Variants in NAV3 observed in about 807,000 individuals in gnomAD.
NAV3 encodes neuron navigator 3.
In NAV3, 87 loss-of-function variants were observed where a neutral mutation model predicts 244.7. That is an observed-to-expected ratio of 0.36 (90% confidence interval 0.30 to 0.42). The LOEUF (loss-of-function observed/expected upper bound fraction) is 0.42, where lower values mean the gene tolerates loss of function less well. Among genes scored for constraint, NAV3 ranks in the 20% least tolerant of loss-of-function variants. NAV3 has a pLI of 1.00. For synonymous variants in NAV3, 1,126 were observed against 1,042.2 expected (o/e 1.08, Z -1.55); for missense variants, 2,663 against 2,893.3 (o/e 0.92, Z 1.83).
Position 77,959,458 on chromosome 12 carries a change from C to A in NAV3, c.415-6771C>A, listed in dbSNP as rs1891673059. Among the ~76,000 whole-genome samples, 3 of 152,146 alleles carry A rather than the reference C, an allele frequency of 2.0e-5. No individual in the cohort carries two copies. The South Asian group carries it at 6.2e-4, about 32-fold the overall frequency. ...TTTATACCATTATAGCATTGTTACC[C>A]TCCATTAATATTAAAAACTGTTATA... On this transcript the variant is annotated intron_variant, in intron 3 of 39. Transcript: ENST00000397909.
At chr12:77,600,557 G>A (rs1870380165) in intron 2 of NAV3, among the ~76,000 whole-genome samples, 1 of 151,948 alleles carries the variant, frequency 6.6e-6, no homozygotes, top group South Asian at 2.1e-4. Flanking sequence ...ATCAGACCAG[G>A]AGAGAAGAGA....
chr12:77,790,086 A>C (rs1479540652), intron 2 of NAV3, among the ~76,000 whole-genome samples: 1 of 152,164 alleles, frequency 6.6e-6, no homozygotes, highest in Admixed American at 6.5e-5. Context: ...TCTTACCACC[A>C]CAGCAGCTTA....
chr12:77,958,328 G>A (rs1038309589), intron 3 of NAV3, among the ~76,000 whole-genome samples: 8 of 152,076 alleles, frequency 5.3e-5, no homozygotes, highest in Non-Finnish European at 7.3e-5. Context: ...GATCTCTGTA[G>A]CACAGAGCAC....
At chr12:78,022,173 A>G (rs1425240800) in intron 9 of NAV3, among the ~76,000 whole-genome samples, 1 of 152,162 alleles carries the variant, frequency 6.6e-6, no homozygotes, top group East Asian at 1.9e-4. Context: ...ATGATTGGCC[A>G]TGTATATTCT....
intron 12 of NAV3, among the ~76,000 whole-genome samples, chr12:78,080,604 G>A (rs902917139): frequency 6.6e-6 from 1 of 151,998 alleles, no homozygotes; most frequent in Non-Finnish European, 1.5e-5. Context: ...TCCCATTATA[G>A]TTTAATTTCT....
intron 1 of NAV3, among the ~76,000 whole-genome samples, chr12:77,871,285 T>C (rs912810860): frequency 1.3e-5 from 2 of 152,292 alleles, no homozygotes; most frequent in African/African-American, 4.8e-5. Flanking sequence ...AAATTTTCTA[T>C]TTTTAAAATT....
intron 2 of NAV3, among the ~76,000 whole-genome samples, chr12:77,630,700 C>T (rs1871856034): frequency 6.6e-6 from 1 of 152,108 alleles, no homozygotes; most frequent in African/African-American, 2.4e-5. Context: ...ATATTTAAGG[C>T]TTTAGGCTCC....
intron 1 of NAV3, among the ~76,000 whole-genome samples, chr12:77,842,318 T>C (rs996970298): frequency 6.6e-6 from 1 of 152,068 alleles, no homozygotes; most frequent in African/African-American, 2.4e-5. Context: ...ATTTTTAATT[T>C]CTTCTGTTCC....
chr12:78,094,191 A>G (rs945322596), intron 12 of NAV3, among the ~76,000 whole-genome samples: 2 of 152,192 alleles, frequency 1.3e-5, no homozygotes, highest in Admixed American at 6.5e-5. Context: ...AATACAATCC[A>G]AGGATTAGAT....
intron 24 of NAV3, among the ~76,000 whole-genome samples, chr12:78,171,923 A>T (rs532520394): frequency 6.6e-6 from 1 of 151,648 alleles, no homozygotes; most frequent in Non-Finnish European, 1.5e-5. Flanking sequence ...AAATTAATGC[A>T]TCACATTCAT....
Position 77,705,681 on chromosome 12 carries a change from C to T in NAV3, c.72+133415C>T, listed in dbSNP as rs79464583. Reference sequence around the variant, plus strand: ...ATTTCGCCTGGATTGTTTGTTCCCCCGGGGGTCAAAGATGAATTCAGCCCC... The same window carrying T: ...ATTTCGCCTGGATTGTTTGTTCCCCTGGGGGTCAAAGATGAATTCAGCCCC... On this transcript the variant is annotated intron_variant, in intron 2 of 8. Transcript: ENST00000550042. Among the ~76,000 whole-genome samples the T allele has an allele frequency of 3.6e-4, 55 of 151,374 alleles. 1 individual carries two copies. In the East Asian group the frequency reaches 4.8e-3, roughly 13 times the overall value.
At chr12:77,777,180 A>G (rs1397591111) in intron 2 of NAV3, among the ~76,000 whole-genome samples, 2 of 152,212 alleles carry the variant, frequency 1.3e-5, no homozygotes, top group Admixed American at 1.3e-4. Flanking sequence ...TCCTACACAT[A>G]CATACCTTTG....
chr12:77,961,198 T>G (rs1301034520), intron 3 of NAV3, among the ~76,000 whole-genome samples: 1 of 134,512 alleles, frequency 7.4e-6, no homozygotes, highest in Non-Finnish European at 1.5e-5. Context: ...ATATATAATA[T>G]ATATTTTAAT....
chr12:77,575,545 A>G (rs747814602), intron 2 of NAV3, among the ~76,000 whole-genome samples: 1 of 152,152 alleles, frequency 6.6e-6, no homozygotes, highest in Non-Finnish European at 1.5e-5. Context: ...TTGTTTGCAC[A>G]ATCAAATCCA....
intron 23 of NAV3, among the ~76,000 whole-genome samples, chr12:78,161,536 A>G (rs532340562): frequency 2.0e-5 from 3 of 152,270 alleles, no homozygotes; most frequent in East Asian, 3.9e-4. Flanking sequence ...ATGTAGAGGT[A>G]TGTTAATGTA....
chr12:77,994,209 T>C (rs990851666), intron 5 of NAV3, among the ~76,000 whole-genome samples: 2 of 152,260 alleles, frequency 1.3e-5, no homozygotes, highest in East Asian at 1.9e-4. Context: ...TTTCTGTTTT[T>C]ATATAGATCT....
intron 23 of NAV3, among the ~76,000 whole-genome samples, chr12:78,160,820 T>C (rs1957511811): frequency 6.6e-6 from 1 of 151,982 alleles, no homozygotes; most frequent in Non-Finnish European, 1.5e-5. Flanking sequence ...ACAAACTCCT[T>C]TTGAAACATA....
At chr12:77,789,481 CA>C in intron 2 of NAV3, among the ~76,000 whole-genome samples, 1 of 147,672 alleles carries the variant, frequency 6.8e-6, no homozygotes, top group East Asian at 2.0e-4. Flanking sequence ...GTATAAAATA[CA>C]CTAACACTAA....
intron 12 of NAV3, among the ~76,000 whole-genome samples, chr12:78,090,575 T>C (rs758302389): frequency 3.3e-4 from 50 of 152,170 alleles, no homozygotes; most frequent in Non-Finnish European, 6.2e-4. Flanking sequence ...CAATTCTAAA[T>C]AGAACCTTAT....
Sources: gnomAD v4.1 joint callset for allele counts (sites outside exome capture counted in the v4.1 genomes callset) on GRCh38, gnomAD v4.1.1 for gene constraint, MANE v1.5 for transcripts, NCBI Gene and HGNC (gene_info 2026-07-23, HGNC 2026-07-21) for gene names.